Variants in UAP1 observed in about 807,000 individuals in gnomAD.
The protein encoded by UAP1 is UDP-N-acetylglucosamine pyrophosphorylase 1.
UAP1 carries 25 observed loss-of-function variants against 58.5 expected under a neutral mutation model. The observed-to-expected ratio is 0.43, with a 90% confidence interval of 0.31 to 0.60. The LOEUF is 0.60. UAP1 is among the 20% of genes least tolerant of loss of function. The pLI, the probability that UAP1 is intolerant of heterozygous loss-of-function variation, is 0.11. For synonymous variants in UAP1, 208 were observed against 213.0 expected, an observed-to-expected ratio of 0.98 and a Z score of 0.21; for missense variants, 575 against 630.0, an observed-to-expected ratio of 0.91 and a Z score of 0.93.
chr1:162,583,553 AG>A (rs1654731690), intron 5 of UAP1, among the ~76,000 whole-genome samples: 1 of 152,178 alleles, frequency 6.6e-6, no homozygotes, highest in African/African-American at 2.4e-5. Context: ...TCAACCTGGA[AG>A]GGACCCCAGA....
Position 162,566,189 on chromosome 1 carries a change from AACTT to A in UAP1, c.122_125del (p.Asn41MetfsTer4). 1 of 1,614,148 alleles carries A rather than the reference AACTT, an allele frequency of 6.2e-7. No individual in the cohort carries two copies. The highest frequency in any genetic ancestry group is 8.5e-7 in the Non-Finnish European group (1 of 1,180,032). ...ACTTTATGCAGAGCTCCAGGCCATG[AACTT>A]TGAGGAGCTGAACTTCTTTTTCCAA... On this transcript the variant is annotated frameshift_variant, in exon 2 of 11. Coordinates refer to ENST00000271469, the Ensembl canonical transcript of UAP1. LOFTEE classifies it high-confidence loss of function.
exon 2 of UAP1, chr1:162,566,316 A>T (rs558118998): frequency 6.2e-7 from 1 of 1,614,130 alleles, no homozygotes; most frequent in East Asian, 2.2e-5. Flanking sequence ...GCTACAAGGG[A>T]TCAAGATCAG....
chr1:162,578,543 A>G (rs1337154869), intron 3 of UAP1, among the ~76,000 whole-genome samples: 1 of 152,162 alleles, frequency 6.6e-6, no homozygotes, highest in Non-Finnish European at 1.5e-5. Context: ...CCAACATTCT[A>G]CTTACAGCCC....
chr1:162,600,513 A>T (rs1655862881), downstream of UAP1, among the ~76,000 whole-genome samples: 1 of 152,206 alleles, frequency 6.6e-6, no homozygotes, highest in Non-Finnish European at 1.5e-5. Context: ...GACCAAAAGT[A>T]TAAAAAGGAA....
Position 162,587,558 on chromosome 1 carries a change from GA to G in UAP1, c.919del (p.Ile307PhefsTer32). 6.2e-7 allele frequency: 1 copy of G among 1,614,162 alleles called. No homozygotes were observed. Among genetic ancestry groups the G allele is most frequent in the Non-Finnish European group, 8.5e-7 (1 of 1,180,016 alleles). ...TTTACCAGGTGGTAGAATATAGTGA[GA>G]TTTCCCTGGCAACAGCTCAAAAACG... On this transcript the variant is annotated frameshift_variant, in exon 6 of 11. Coordinates refer to ENST00000271469, the Ensembl canonical transcript of UAP1. LOFTEE classifies it high-confidence loss of function.
In UAP1 at chr1:162,579,577, A is replaced by C. The variant is rs1403870654; in HGVS notation, c.635A>C (p.Glu212Ala). 11 of 1,599,322 alleles carry C rather than the reference A, an allele frequency of 6.9e-6. No individual in the cohort carries two copies. In the South Asian group the frequency reaches 1.1e-4, roughly 16 times the overall value. Residue 212 changes from glutamate (E) to alanine (A), a missense_variant, in exon 4 of 11, where the codon GAG becomes GCG. Coordinates refer to ENST00000271469, the Ensembl canonical transcript of UAP1. ...TTTGATGGGAAAATTATTTTGGAAG[A>C]GAAGAACAAAGTTTCTATGGCTCCA...
chr1:162,561,971 C>G (rs1653166846), intron 1 of UAP1, among the ~76,000 whole-genome samples, 194 bp downstream of exon 1: 1 of 152,224 alleles, frequency 6.6e-6, no homozygotes. Flanking sequence ...GCCCGTGCGC[C>G]CCGCAGTCGC....
At chr1:162,583,203 A>G (rs1312677431) in intron 5 of UAP1, among the ~76,000 whole-genome samples, 2 of 123,422 alleles carry the variant, frequency 1.6e-5, no homozygotes, top group African/African-American at 6.4e-5. Context: ...CCTGGGCCGG[A>G]GTGCAGTGGC....
chr1:162,599,184 G>T (rs1211362063), intron 10 of UAP1, 87 bp from the exon 11 acceptor site: 7 of 747,732 alleles, frequency 9.4e-6, no homozygotes, highest in Admixed American at 2.9e-5. Context: ...TTTGGCATTT[G>T]TGCTTTAAAT....
At chr1:162,566,271 G>A (rs953747610) in exon 2 of UAP1, 6 of 1,614,138 alleles carry the variant, frequency 3.7e-6, no homozygotes, top group Non-Finnish European at 5.1e-6. Context: ...GTGGATGCAC[G>A]AATGGAACCT....
exon 8 of UAP1, chr1:162,590,430 T>G: frequency 1.2e-6 from 2 of 1,613,676 alleles, no homozygotes; most frequent in Non-Finnish European, 1.7e-6. Context: ...CATGCTTTGA[T>G]GTCCCTTCAT....
chr1:162,596,438 G>A (rs1655624477), intron 9 of UAP1, among the ~76,000 whole-genome samples: 1 of 152,194 alleles, frequency 6.6e-6, no homozygotes, highest in African/African-American at 2.4e-5. Context: ...GCCTCCCAAA[G>A]TGCTGGGATT....
At chr1:162,574,053 G>T (rs890997944) in intron 2 of UAP1, among the ~76,000 whole-genome samples, 1 of 150,920 alleles carries the variant, frequency 6.6e-6, no homozygotes, top group African/African-American at 2.4e-5. Flanking sequence ...GTCAGAACTG[G>T]CTCTAAATTT....
chr1:162,599,224 A>C (rs1435321266), intron 10 of UAP1, 47 bp from the exon 11 acceptor site: 1 of 1,359,924 alleles, frequency 7.4e-7, no homozygotes, highest in Non-Finnish European at 1.0e-6. Flanking sequence ...GCACTGCATG[A>C]CAAGTGCAAA....
chr1:162,589,217 A>ATTATATATT (rs576110821), intron 7 of UAP1, among the ~76,000 whole-genome samples: 1 of 98,086 alleles, frequency 1.0e-5, no homozygotes, highest in Non-Finnish European at 2.0e-5. Context: ...AAATATATAT[A>ATTATATATT]ATATTTATAT....
intron 1 of UAP1, among the ~76,000 whole-genome samples, chr1:162,564,839 G>A (rs1324308942): frequency 1.3e-5 from 2 of 151,934 alleles, no homozygotes; most frequent in African/African-American, 2.4e-5. Context: ...CATCCCACAC[G>A]TGCTTGCTCA....
At chr1:162,591,862 G>A (rs1007437368) in intron 8 of UAP1, among the ~76,000 whole-genome samples, 1 of 151,490 alleles carries the variant, frequency 6.6e-6, no homozygotes, top group Non-Finnish European at 1.5e-5. Flanking sequence ...TTGGCTCACT[G>A]CAACCTTCAC....
At chr1:162,583,765 C>T (rs1274955367) in intron 5 of UAP1, among the ~76,000 whole-genome samples, 3 of 152,014 alleles carry the variant, frequency 2.0e-5, no homozygotes, top group Admixed American at 1.3e-4. Context: ...GTAGCTGGTA[C>T]CACAGGCGTG....
At chr1:162,597,982 G>A in intron 10 of UAP1, 124 bp downstream of exon 10, 1 of 801,222 alleles carries the variant, frequency 1.2e-6, no homozygotes, top group Non-Finnish European at 2.0e-6. Flanking sequence ...TGATAGATAT[G>A]TTAATTGGCT....
Sources: allele counts gnomAD v4.1 joint callset (sites outside exome capture counted in the v4.1 genomes callset), GRCh38; gene constraint gnomAD v4.1.1; transcripts MANE v1.5; gene names NCBI Gene and HGNC (gene_info 2026-07-23, HGNC 2026-07-21).